The following FAM171A1 variants were observed in gnomAD, a reference collection of about 807,000 sequenced individuals.
The protein encoded by FAM171A1 is protein FAM171A1.
Under a neutral mutation model 74.9 loss-of-function variants are expected in FAM171A1, and 23 were observed. The ratio of observed to expected loss-of-function variants is 0.31; its 90% CI spans 0.22 to 0.44. The LOEUF is 0.44. Among genes scored for constraint, FAM171A1 ranks in the 20% least tolerant of loss-of-function variants. The pLI, the probability that FAM171A1 is intolerant of heterozygous loss-of-function variation, is 1.00. For synonymous variants in FAM171A1, 527 were observed against 505.7 expected, an observed-to-expected ratio of 1.04 and a Z score of -0.57; for missense variants, 1,162 against 1,159.2, an observed-to-expected ratio of 1.00 and a Z score of -0.03.
At chr10:15,338,010 A>ACTGT (rs1373904932) in intron 1 of FAM171A1, among the ~76,000 whole-genome samples, 2 of 152,174 alleles carry the variant, frequency 1.3e-5, no homozygotes, top group African/African-American at 4.8e-5. Flanking sequence ...ACAGTGCCAA[A>ACTGT]TAAATAAATT....
chr10:15,244,376 T>G (rs899455539), intron 5 of FAM171A1, among the ~76,000 whole-genome samples: 12 of 151,948 alleles, frequency 7.9e-5, no homozygotes, highest in African/African-American at 2.9e-4. Context: ...CCAAATTAGC[T>G]AGGCCTGGTG....
chr10:15,288,498 A>C (rs987198987), intron 1 of FAM171A1, among the ~76,000 whole-genome samples: 32 of 152,234 alleles, frequency 2.1e-4, no homozygotes, highest in African/African-American at 7.5e-4. Context: ...ATTAATAACC[A>C]CATAGCAGAA....
At chr10:15,234,957 G>A (rs1022800853) in intron 5 of FAM171A1, among the ~76,000 whole-genome samples, 2 of 151,926 alleles carry the variant, frequency 1.3e-5, no homozygotes, top group African/African-American at 4.8e-5. Flanking sequence ...CCACCGTGCC[G>A]GGCCGATCAG....
At chr10:15,320,423 G>A (rs1364293646) in intron 1 of FAM171A1, among the ~76,000 whole-genome samples, 2 of 152,158 alleles carry the variant, frequency 1.3e-5, no homozygotes, top group South Asian at 2.1e-4. Context: ...ATAGTGCTGC[G>A]ATAAACATAT....
chr10:15,279,695 G>A (rs144614120), intron 2 of FAM171A1, among the ~76,000 whole-genome samples: 24 of 152,128 alleles, frequency 1.6e-4, no homozygotes, highest in East Asian at 1.4e-3. Flanking sequence ...CAAGGCAGGC[G>A]GATCACAAGG....
chr10:15,327,233 C>T (rs189837118), intron 1 of FAM171A1, among the ~76,000 whole-genome samples: 56 of 152,302 alleles, frequency 3.7e-4, no homozygotes, highest in African/African-American at 1.3e-3. Context: ...AGCAAGCTGC[C>T]TACCCCCTAG....
At chr10:15,257,131 T>G (rs1001054629) in intron 3 of FAM171A1, among the ~76,000 whole-genome samples, 3 of 151,982 alleles carry the variant, frequency 2.0e-5, no homozygotes, top group African/African-American at 7.3e-5. Flanking sequence ...AGTCTACATG[T>G]GATGGAGCAA....
At position 15,236,353 on chromosome 10, in the gene FAM171A1, G is replaced by A. The variant is rs188874299; in HGVS notation, c.754+12286C>T. 9.2e-5 allele frequency among the ~76,000 whole-genome samples: 14 copies of A among 151,962 alleles called. No homozygotes were observed. The East Asian group carries it at 1.9e-3, about 21-fold the overall frequency. The stretch of plus-strand genomic sequence containing the variant: ...TAGCAGCGATGATGATGATAAGAGC[G>A]GCAAACACATACGGAGGGTTTTCCA... On this transcript the variant is annotated intron_variant, in intron 5 of 7. Transcript: ENST00000378116.
chr10:15,338,066 T>C (rs1835725176), intron 1 of FAM171A1, among the ~76,000 whole-genome samples: 2 of 152,192 alleles, frequency 1.3e-5, no homozygotes, highest in South Asian at 4.1e-4. Flanking sequence ...ATACTACAAA[T>C]GGCCCAATTA....
chr10:15,264,613 T>C (rs1347549618), intron 3 of FAM171A1, among the ~76,000 whole-genome samples: 3 of 147,154 alleles, frequency 2.0e-5, no homozygotes, highest in Non-Finnish European at 4.5e-5. Context: ...GGTGAAACCC[T>C]GTTTCTACAA....
intron 1 of FAM171A1, among the ~76,000 whole-genome samples, chr10:15,327,768 T>C (rs956310144): frequency 5.9e-5 from 9 of 152,062 alleles, no homozygotes; most frequent in African/African-American, 1.9e-4. Flanking sequence ...ATGGGCCTAC[T>C]TGAGGGTGCA....
At chr10:15,327,522 GTGCCTATAAT>G (rs1424414380) in intron 1 of FAM171A1, among the ~76,000 whole-genome samples, 2 of 152,108 alleles carry the variant, frequency 1.3e-5, no homozygotes, top group Non-Finnish European at 2.9e-5. Flanking sequence ...GTGCTAGCAC[GTGCCTATAAT>G]CCCAGCTACT....
chr10:15,287,825 T>C (rs28551530), intron 1 of FAM171A1, among the ~76,000 whole-genome samples: 37,534 of 152,094 alleles, frequency 0.25, 4,646 homozygotes, highest in Non-Finnish European at 0.28. Context: ...CATGAGTAAG[T>C]TCTTTAGCGG....
chr10:15,258,212 C>A (rs1028677907), intron 3 of FAM171A1, among the ~76,000 whole-genome samples: 11 of 152,054 alleles, frequency 7.2e-5, no homozygotes, highest in Admixed American at 7.2e-4. Flanking sequence ...AAGTGCCCAC[C>A]ACCACACCTG....
At chr10:15,292,123 G>A (rs867638087) in intron 1 of FAM171A1, among the ~76,000 whole-genome samples, 7 of 152,092 alleles carry the variant, frequency 4.6e-5, no homozygotes, top group Admixed American at 6.6e-5. Flanking sequence ...CGTGGTGGAA[G>A]GGATGAGGGG....
intron 1 of FAM171A1, among the ~76,000 whole-genome samples, chr10:15,337,422 A>G (rs900429809): frequency 6.6e-6 from 1 of 152,248 alleles, no homozygotes; most frequent in Non-Finnish European, 1.5e-5. Context: ...CGTTGGAAAT[A>G]GGGGGCAAAA....
intron 2 of FAM171A1, among the ~76,000 whole-genome samples, chr10:15,277,642 T>C (rs1834910984): frequency 6.6e-6 from 1 of 152,260 alleles, no homozygotes. Flanking sequence ...ATTTGAACTC[T>C]GGAGTTCTCA....
rs7895229 is a variant in FAM171A1, at chr10:15,354,217, T to G, written c.97+16739A>C. ...TCTGCATAAAAAGTGGTGGGCAGGC[T>G]GGGCATGGTGGCTCACACTTGTAAT... On this transcript the variant is annotated intron_variant, in intron 1 of 7. Transcript: ENST00000378116. Among the ~76,000 whole-genome samples the G allele has an allele frequency of 8.8e-4, 134 of 152,192 alleles. 1 individual carries two copies. Among genetic ancestry groups the G allele is most frequent in the Non-Finnish European group, 1.6e-3 (109 of 68,022 alleles).
chr10:15,247,454 C>T (rs559064458), intron 5 of FAM171A1, among the ~76,000 whole-genome samples: 232 of 151,224 alleles, frequency 1.5e-3, no homozygotes, highest in Non-Finnish European at 2.3e-3. Context: ...AGCACATGAT[C>T]TCATTTCTGC....
Sources: allele counts gnomAD v4.1 joint callset (sites outside exome capture counted in the v4.1 genomes callset), GRCh38; gene constraint gnomAD v4.1.1; transcripts MANE v1.5; gene names NCBI Gene and HGNC (gene_info 2026-07-23, HGNC 2026-07-21).